Variants in ABCC12 observed in about 807,000 individuals in gnomAD.
ABCC12 encodes the protein ATP binding cassette subfamily C member 12.
Under a neutral mutation model 151.1 loss-of-function variants are expected in ABCC12, and 142 were observed. The observed-to-expected ratio is 0.94, with a 90% CI of 0.82 to 1.08. The LOEUF (loss-of-function observed/expected upper bound fraction) is 1.08, where lower values mean the gene tolerates loss of function less well. Ranked by LOEUF, ABCC12 falls within the 50% of genes least tolerant of loss-of-function variation. The pLI is 0.00. For missense variants in ABCC12, 1,638 were observed against 1,691.1 expected, an observed-to-expected ratio of 0.97 and a Z score of 0.55; for synonymous variants, 645 against 646.4, an observed-to-expected ratio of 1.00 and a Z score of 0.03.
At chr16:48,125,196 A>C (rs1964200035) in intron 11 of ABCC12, among the ~76,000 whole-genome samples, 1 of 152,214 alleles carries the variant, frequency 6.6e-6, no homozygotes. Context: ...TGGCCCATAA[A>C]GGGCAGCCTA....
At chr16:48,117,670 G>A (rs1003007954) in intron 13 of ABCC12, among the ~76,000 whole-genome samples, 5 of 152,200 alleles carry the variant, frequency 3.3e-5, no homozygotes, top group Non-Finnish European at 5.9e-5. Context: ...GGAGTCAGAG[G>A]AGGGGTCACC....
intron 10 of ABCC12, among the ~76,000 whole-genome samples, chr16:48,129,178 G>C (rs1964339749): frequency 1.3e-5 from 2 of 152,184 alleles, no homozygotes. Context: ...CAGACTTTGG[G>C]GTAAACAGCA....
intron 9 of ABCC12, 94 bp from the exon 10 acceptor site, chr16:48,130,989 G>C: frequency 1.2e-6 from 1 of 807,498 alleles, no homozygotes; most frequent in African/African-American, 1.7e-5. Flanking sequence ...GCTGAGATGA[G>C]AAATGGTGGC....
At chr16:48,128,390 T>C in intron 11 of ABCC12, 69 bp downstream of exon 11, 3 of 1,577,970 alleles carry the variant, frequency 1.9e-6, no homozygotes, top group Non-Finnish European at 8.6e-7. Flanking sequence ...GTATCAGACC[T>C]GGAGAAGGCT....
At chr16:48,143,624 G>A (rs1408096297) in intron 4 of ABCC12, among the ~76,000 whole-genome samples, 7 of 152,172 alleles carry the variant, frequency 4.6e-5, no homozygotes, top group Non-Finnish European at 1.5e-5. Context: ...GGAGGTAACT[G>A]AATCATGGGG....
rs149740905 is a variant in ABCC12 at position 48,143,787 on chromosome 16, C to A, written c.275+123G>T. 6.5e-3 allele frequency: 8,316 copies of A among 1,284,924 alleles called. 401 individuals are homozygous for A. The African/African-American group carries it at 0.11, about 17-fold the overall frequency. 79.6% of individuals were successfully genotyped at this position (1,284,924 alleles called of 1,614,324 possible). ...CCTTCCACCATGATTGTGAGGCCTC[C>A]CCAGTCACATGGAACTGTGAGTCCA... On this transcript the variant is annotated intron_variant, in intron 4 of 30. Coordinates refer to ENST00000311303, the MANE Select transcript of ABCC12 (RefSeq NM_001393797.1).
intron 22 of ABCC12, among the ~76,000 whole-genome samples, chr16:48,103,687 T>G (rs555387853): frequency 6.6e-6 from 1 of 152,222 alleles, no homozygotes; most frequent in South Asian, 2.1e-4. Flanking sequence ...GCCGGGCAGG[T>G]CTCCTAGGAG....
rs1240777460 is a variant in ABCC12 at position 48,146,467 on chromosome 16, C to G, written c.-43G>C. The stretch of plus-strand genomic sequence containing the variant: ...GCCCTGGGCTTTTGGCCTGGGGACA[C>G]TTTCACTCTATGGCAGAGAAATGGC... On this transcript the variant is annotated 5_prime_UTR_variant, in exon 3 of 31. Coordinates refer to ENST00000311303, the MANE Select transcript of ABCC12 (RefSeq NM_001393797.1). 4 of 1,508,046 alleles carry G rather than the reference C, an allele frequency of 2.7e-6. No individual in the cohort carries two copies. Among genetic ancestry groups the G allele is most frequent in the Middle Eastern group, 1.7e-4 (1 of 5,860 alleles). The allele number at this position is 1,508,046 out of a possible 1,614,324, so 93.4% of individuals were successfully genotyped here. A position where few individuals can be genotyped will look rare whatever the true frequency, so the allele number is the denominator to read the frequency against.
chr16:48,152,240 A>G (rs779339284), intron 2 of ABCC12, among the ~76,000 whole-genome samples: 1 of 152,178 alleles, frequency 6.6e-6, no homozygotes, highest in Non-Finnish European at 1.5e-5. Context: ...GAGGCTATCC[A>G]CTGCAGAGAT....
At chr16:48,088,459 C>A in intron 26 of ABCC12, 86 bp downstream of exon 26, 1 of 1,440,690 alleles carries the variant, frequency 6.9e-7, no homozygotes, top group Non-Finnish European at 9.4e-7. Context: ...ACATACACAT[C>A]ACTCTCTGGT....
chr16:48,107,788 G>A (rs1963547570), intron 19 of ABCC12, among the ~76,000 whole-genome samples: 2 of 152,182 alleles, frequency 1.3e-5, no homozygotes, highest in Non-Finnish European at 2.9e-5. Flanking sequence ...GATCACCTGA[G>A]GTCAGGAGTT....
Position 48,088,168 on chromosome 16 carries a change from T to G in ABCC12, c.3476-83A>C. On this transcript the variant is annotated intron_variant, in intron 26 of 30. Transcript: ENST00000311303. ...TCCAAGCATTTAATCAGTGGGATTT[T>G]TAATGCAATGCAAATGTCTCCGTAA... 8.2e-6 allele frequency: 12 copies of G among 1,460,056 alleles called. 1 individual carries two copies. In the South Asian group the frequency reaches 1.4e-4, roughly 17 times the overall value. The allele number at this position is 1,460,056 out of a possible 1,614,324, so 90.4% of individuals were successfully genotyped here.
At chr16:48,145,253 G>C (rs1964959757) in intron 3 of ABCC12, among the ~76,000 whole-genome samples, 3 of 152,208 alleles carry the variant, frequency 2.0e-5, no homozygotes, top group African/African-American at 7.2e-5. Context: ...GCTTATTATA[G>C]AGTTGCCACT....
At chr16:48,153,384 AT>A (rs11379823) in intron 2 of ABCC12, among the ~76,000 whole-genome samples, 27 of 151,746 alleles carry the variant, frequency 1.8e-4, no homozygotes, top group Middle Eastern at 3.4e-3. Flanking sequence ...AAAGGGGATG[AT>A]TTTTTTTTCC....
intron 18 of ABCC12, 47 bp from the exon 19 acceptor site, chr16:48,108,576 G>A: frequency 6.5e-7 from 1 of 1,529,956 alleles, no homozygotes; most frequent in African/African-American, 1.4e-5. Flanking sequence ...CTGGGGTGGG[G>A]GCCCAGCGAG....
chr16:48,083,599 G>C lies in ABCC12; in HGVS notation c.*116C>G. 1 of 1,042,852 alleles carries C rather than the reference G, an allele frequency of 9.6e-7. No individual in the cohort carries two copies. The highest frequency in any genetic ancestry group is 1.4e-6 in the Non-Finnish European group (1 of 702,742). The allele number at this position is 1,042,852 out of a possible 1,614,324, so 64.6% of individuals were successfully genotyped here. A position where few individuals can be genotyped will look rare whatever the true frequency, so the allele number is the denominator to read the frequency against. On this transcript the variant is annotated 3_prime_UTR_variant, in exon 31 of 31. Coordinates refer to ENST00000311303, the MANE Select transcript of ABCC12 (RefSeq NM_001393797.1). ...AACTTCAGCCCCAGCTCACTCCGTG[G>C]ATGGGAGGGGCTGAAGACCAGGGCT...
At position 48,111,599 on chromosome 16, in the gene ABCC12, C is replaced by G; in HGVS notation, c.2188G>C (p.Glu730Gln). 2 of 1,614,214 alleles carry G rather than the reference C, an allele frequency of 1.2e-6. No homozygotes were observed. Among genetic ancestry groups the G allele is most frequent in the Non-Finnish European group, 1.7e-6 (2 of 1,180,034 alleles). Residue 730 changes from glutamate (E) to glutamine (Q), a missense_variant, in exon 17 of 31, where the codon GAG (glutamate) becomes CAG (glutamine). Physicochemically the swap from Glu to Gln is conservative, Grantham distance 29 (BLOSUM62 2). Transcript: ENST00000311303. ...TAACCGATTATACCAGCATCTTCCT[C>G]TCTCTCAGCAGGGCTCTCCTTGAAG... ...EAFKESPAER[E>Q]EDAGIIVLAP...
In ABCC12 at chr16:48,083,943, T is replaced by C. The variant is rs1335081838; in HGVS notation, c.3959A>G (p.Asn1320Ser). The part of the protein sequence containing the change: ...TIAHRLNTVL[N>S]CDHVLVMENG... ...TTCCATAACCAGGACGTGATCGCAG[T>C]TGAGAACTGTGTTGAGGCGGTGGGC... The change falls in exon 30 of 31, where the codon AAC (asparagine) becomes AGC (serine). Residue 1320 changes from asparagine to serine, a missense_variant. Coordinates refer to ENST00000311303, the MANE Select transcript of ABCC12 (RefSeq NM_001393797.1). The C allele has an allele frequency of 6.2e-7, 1 of 1,612,690 alleles. No individual in the cohort carries two copies. Among genetic ancestry groups the C allele is most frequent in the East Asian group, 2.2e-5 (1 of 44,868 alleles).
chr16:48,105,787 C>T (rs1171295625), intron 20 of ABCC12, among the ~76,000 whole-genome samples: 1 of 152,212 alleles, frequency 6.6e-6, no homozygotes, highest in Non-Finnish European at 1.5e-5. Flanking sequence ...GTGGCAGCAG[C>T]CACCAGGCCT....
Sources: allele counts gnomAD v4.1 joint callset (sites outside exome capture counted in the v4.1 genomes callset), GRCh38; gene constraint gnomAD v4.1.1; transcripts MANE v1.5; gene names NCBI Gene and HGNC (gene_info 2026-07-23, HGNC 2026-07-21).